Variants in IARS2 observed in about 807,000 individuals in gnomAD.
IARS2 encodes isoleucine--tRNA ligase, mitochondrial.
IARS2 carries 56 observed loss-of-function variants against 126.3 expected under a neutral mutation model. The observed-to-expected ratio is 0.44, with a 90% CI of 0.36 to 0.55. IARS2 has a LOEUF of 0.55. Ranked by LOEUF, IARS2 falls within the 20% of genes least tolerant of loss-of-function variation. IARS2 has a pLI of 0.00. For missense variants in IARS2, 1,127 were observed against 1,245.9 expected (o/e 0.90, Z 1.44); for synonymous variants, 407 against 441.1 (o/e 0.92, Z 0.97).
At chr1:220,130,157 T>A (rs1657230770) in intron 14 of IARS2, among the ~76,000 whole-genome samples, 1 of 152,212 alleles carries the variant, frequency 6.6e-6, no homozygotes, top group African/African-American at 2.4e-5. Flanking sequence ...TCATATGACA[T>A]CCTTTGAGAA....
chr1:220,105,328 A>G (rs1308958192), intron 8 of IARS2, among the ~76,000 whole-genome samples: 1 of 152,208 alleles, frequency 6.6e-6, no homozygotes, highest in Non-Finnish European at 1.5e-5. Flanking sequence ...AAGATTTTTG[A>G]AAGTGTTAAG....
chr1:220,107,434 G>T (rs1373967684), intron 10 of IARS2, among the ~76,000 whole-genome samples: 1 of 151,492 alleles, frequency 6.6e-6, no homozygotes, highest in African/African-American at 2.4e-5. Flanking sequence ...ATCAAGATCA[G>T]GGCTGGATGT....
intron 9 of IARS2, among the ~76,000 whole-genome samples, chr1:220,106,614 C>CCTT (rs1656685807): frequency 6.6e-6 from 1 of 150,476 alleles, no homozygotes; most frequent in African/African-American, 2.4e-5. Flanking sequence ...ATTCCTATTT[C>CCTT]CTTTTCTTTT....
chr1:220,135,977 CTG>C (rs2102838125), intron 15 of IARS2, among the ~76,000 whole-genome samples: 1 of 152,212 alleles, frequency 6.6e-6, no homozygotes, highest in African/African-American at 2.4e-5. Context: ...CTTGCTGTCT[CTG>C]TAGTTTGCTC....
chr1:220,138,788 C>A (rs187732959), intron 17 of IARS2, among the ~76,000 whole-genome samples: 1 of 151,978 alleles, frequency 6.6e-6, no homozygotes, highest in Admixed American at 6.5e-5. Flanking sequence ...AGTCGTTAGG[C>A]GTAAAATCCA....
chr1:220,135,914 A>G (rs1231084707), intron 15 of IARS2, among the ~76,000 whole-genome samples: 1 of 147,684 alleles, frequency 6.8e-6, no homozygotes, highest in African/African-American at 2.5e-5. Context: ...TCTCATGCCC[A>G]TTTGTGACTA....
chr1:220,110,646 G>A lies in IARS2; in HGVS notation c.1328-140G>A, dbSNP rs1558122525. On this transcript the variant is annotated intron_variant, in intron 10 of 22. Transcript: ENST00000366922. ...CGCAAAGTGCTGGGATTACAGGTGTGAGCCACTGTGGCTGGCAAGGTGACT... is the reference window on the plus strand; with the variant it reads ...CGCAAAGTGCTGGGATTACAGGTGTAAGCCACTGTGGCTGGCAAGGTGACT... 23 of 651,332 alleles carry A rather than the reference G, an allele frequency of 3.5e-5. 1 individual carries two copies. The East Asian group carries it at 6.2e-4, about 18-fold the overall frequency. The allele number at this position is 651,332 out of a possible 1,614,324, so 40.3% of individuals were successfully genotyped here. A position where few individuals can be genotyped will look rare whatever the true frequency, so the allele number is the denominator to read the frequency against.
chr1:220,136,117 T>C (rs1038414120), intron 15 of IARS2, among the ~76,000 whole-genome samples: 1 of 152,178 alleles, frequency 6.6e-6, no homozygotes, highest in African/African-American at 2.4e-5. Context: ...TTGACTATTG[T>C]GATACATGAG....
At chr1:220,138,860 T>C in intron 17 of IARS2, 148 bp from the exon 18 acceptor site, 1 of 726,068 alleles carries the variant, frequency 1.4e-6, no homozygotes, top group East Asian at 2.9e-5. Context: ...TTGTTTTTTA[T>C]TTTTTTACAT....
chr1:220,109,487 A>G (rs542630553), intron 10 of IARS2, among the ~76,000 whole-genome samples: 4 of 152,282 alleles, frequency 2.6e-5, no homozygotes, highest in Admixed American at 1.3e-4. Flanking sequence ...CAAAGAAGCA[A>G]AGTTTCAAAA....
At chr1:220,114,721 G>C (rs1656879943) in intron 12 of IARS2, among the ~76,000 whole-genome samples, 1 of 151,860 alleles carries the variant, frequency 6.6e-6, no homozygotes, top group Non-Finnish European at 1.5e-5. Context: ...AGAATTTATT[G>C]GGCTGTATTA....
chr1:220,114,270 G>T, intron 11 of IARS2, 44 bp from the exon 12 acceptor site: 1 of 1,549,348 alleles, frequency 6.5e-7, no homozygotes, highest in South Asian at 1.1e-5. Flanking sequence ...TAGAATACTT[G>T]TTCTGCTTTC....
In IARS2 at chr1:220,134,481, T is replaced by G; in HGVS notation, c.1917T>G (p.Ser639Arg). Residue 639 changes from serine to arginine, a missense_variant, in exon 15 of 23, where the codon AGT (serine) becomes AGG (arginine). Ser to Arg is a moderately radical substitution (Grantham distance 110). Coordinates refer to ENST00000366922, the MANE Select transcript of IARS2 (RefSeq NM_018060.4). Reference protein sequence around the residue: ...GGWFQSSLLTSVAARKRAPYK... With the variant: ...GGWFQSSLLTRVAARKRAPYK... ...GGTTTCAGTCATCCTTATTAACAAG[T>G]GTGGCAGCAAGGAAGAGAGCACCTT... 5 of 1,613,054 alleles carry G rather than the reference T, an allele frequency of 3.1e-6. No homozygotes were observed. Among genetic ancestry groups the G allele is most frequent in the Non-Finnish European group, 4.2e-6 (5 of 1,179,578 alleles).
chr1:220,095,702 T>A (rs899969685), intron 1 of IARS2, among the ~76,000 whole-genome samples: 3 of 152,168 alleles, frequency 2.0e-5, no homozygotes, highest in Non-Finnish European at 4.4e-5. Context: ...TTCCCAGATT[T>A]GGGGAATGGC....
chr1:220,103,491 T>C lies in IARS2; in HGVS notation c.995T>C (p.Leu332Pro). Reference protein sequence around the residue: ...KCSKSGDLYVLAADKVASVAS... With the variant: ...KCSKSGDLYVPAADKVASVAS... ...TCTAAGTCTGGAGACCTCTACGTAC[T>C]GGCGGCAGATAAAGTAGCATCTGTT... Residue 332 changes from leucine to proline, a missense_variant, in exon 8 of 23, where the codon CTG (leucine) becomes CCG (proline). Coordinates refer to ENST00000366922, the MANE Select transcript of IARS2 (RefSeq NM_018060.4). 1 of 1,613,590 alleles carries C rather than the reference T, an allele frequency of 6.2e-7. No homozygotes were observed.
chr1:220,107,791 CCTTA>C (rs1348932644), intron 10 of IARS2, among the ~76,000 whole-genome samples: 6 of 152,288 alleles, frequency 3.9e-5, no homozygotes, highest in Admixed American at 3.9e-4. Flanking sequence ...ATGGGAGAAT[CCTTA>C]CTTGCCTCTT....
Position 220,135,178 on chromosome 1 carries a change from T to C in IARS2, c.1946+668T>C, listed in dbSNP as rs138844111. Among the ~76,000 whole-genome samples the C allele has an allele frequency of 3.5e-3, 536 of 152,330 alleles. 3 individuals are homozygous for C. Among genetic ancestry groups the C allele is most frequent in the African/African-American group, 0.012 (499 of 41,576 alleles). ...GCAGATGTCCTTTATATTTGTAATA[T>C]CCACAGTGGCTAGTGAACTGAAACA... is the stretch of plus-strand genomic sequence containing the variant. On this transcript the variant is annotated intron_variant, in intron 15 of 22. Coordinates refer to ENST00000366922, the MANE Select transcript of IARS2 (RefSeq NM_018060.4).
chr1:220,121,924 C>T lies in IARS2; in HGVS notation c.1641-3313C>T, dbSNP rs369478552. Among the ~76,000 whole-genome samples the T allele has an allele frequency of 5.8e-4, 88 of 152,114 alleles. 3 individuals carry two copies. In the South Asian group the frequency reaches 0.017, roughly 30 times the overall value. On this transcript the variant is annotated intron_variant, in intron 12 of 22. Coordinates refer to ENST00000366922, the MANE Select transcript of IARS2 (RefSeq NM_018060.4). ...CTGAGCAACAAAGCGAGATTCCCAT[C>T]TCTAGAGGGGGGGAAAGAAAGCAGG...
intron 8 of IARS2, 36 bp downstream of exon 8, chr1:220,103,598 A>G (rs371632277): frequency 1.4e-5 from 18 of 1,323,268 alleles, no homozygotes; most frequent in Non-Finnish European, 1.9e-5. Flanking sequence ...CATAGTCATC[A>G]AAGTATTGGG....
Sources: gnomAD v4.1 joint callset for allele counts (sites outside exome capture counted in the v4.1 genomes callset) on GRCh38, gnomAD v4.1.1 for gene constraint, MANE v1.5 for transcripts, NCBI Gene and HGNC (gene_info 2026-07-23, HGNC 2026-07-21) for gene names.